SRRM2: variants seen among roughly 807,000 people sequenced by gnomAD.
SRRM2 encodes serine/arginine repetitive matrix 2.
In SRRM2, 30 loss-of-function variants were observed where a neutral mutation model predicts 213.8. The observed-to-expected ratio is 0.14, with a 90% CI of 0.10 to 0.19. The LOEUF (loss-of-function observed/expected upper bound fraction) is 0.19. Ranked by LOEUF, SRRM2 falls within the 10% of genes least tolerant of loss-of-function variation. The pLI, the probability that SRRM2 is intolerant of heterozygous loss-of-function variation, is 1.00. For synonymous variants in SRRM2, 2,025 were observed against 1,377.7 expected, an observed-to-expected ratio of 1.47 and a Z score of -10.40; for missense variants, 4,904 against 3,647.0, an observed-to-expected ratio of 1.34 and a Z score of -8.88.
intron 2 of SRRM2, 113 bp downstream of exon 2, chr16:2,756,719 G>A (rs904041210): frequency 6.3e-6 from 9 of 1,428,396 alleles, no homozygotes; most frequent in Non-Finnish European, 6.5e-6. Context: ...AAGAGTTGTG[G>A]TAGGGGAGGA....
rs1208109157 is a variant in SRRM2 at position 2,761,693 on chromosome 16, G to C, written c.1165G>C (p.Glu389Gln). Residue 389 changes from glutamate to glutamine, a missense_variant, in exon 11 of 15, where the codon GAG becomes CAG. Transcript: ENST00000301740. ...QPLATTPLSQ[E>Q]PVNPPSEASP... ...CCTTGCAACCACCCCCTTAAGCCAG[G>C]AGCCAGTGAACCCCCCATCTGAGGC... 7 of 1,604,750 alleles carry C rather than the reference G, an allele frequency of 4.4e-6. No individual in the cohort carries two copies. The Middle Eastern group carries it at 5.0e-4, about 115-fold the overall frequency.
At chr16:2,755,083 T>A (rs890362905) in intron 1 of SRRM2, among the ~76,000 whole-genome samples, 4 of 152,246 alleles carry the variant, frequency 2.6e-5, no homozygotes, top group Admixed American at 2.0e-4. Context: ...GGTTTTTTCT[T>A]AGTAGTATTT....
At chr16:2,754,730 C>T (rs1225167976) in intron 1 of SRRM2, among the ~76,000 whole-genome samples, 1 of 151,920 alleles carries the variant, frequency 6.6e-6, no homozygotes, top group African/African-American at 2.4e-5. Context: ...AGGGGAGAGG[C>T]GAAGAAGGAC....
At chr16:2,768,668 G>C in intron 11 of SRRM2, 1 of 651,750 alleles carries the variant, frequency 1.5e-6, no homozygotes, top group Non-Finnish European at 2.8e-6. Context: ...ACTCACAGGG[G>C]CCTCCCCAAG....
intron 3 of SRRM2, 22 bp downstream of exon 3, chr16:2,757,601 G>C (rs771103190): frequency 6.2e-7 from 1 of 1,607,112 alleles, no homozygotes; most frequent in South Asian, 1.1e-5. Context: ...GCTCTCCCTC[G>C]ATGACTCTGG....
chr16:2,760,523 T>G (rs761359441), intron 10 of SRRM2, 24 bp downstream of exon 10: 1 of 1,612,650 alleles, frequency 6.2e-7, no homozygotes, highest in East Asian at 2.2e-5. Flanking sequence ...TTGGTGATGT[T>G]CATTGGATTG....
intron 1 of SRRM2, 78 bp downstream of exon 1, chr16:2,752,924 C>G (rs944757667): frequency 1.2e-5 from 2 of 161,948 alleles, no homozygotes; most frequent in Non-Finnish European, 2.7e-5. Flanking sequence ...GCGCGGAGAA[C>G]TGCCCAGGCC....
intron 2 of SRRM2, 84 bp from the exon 3 acceptor site, chr16:2,757,388 C>A: frequency 2.4e-6 from 3 of 1,256,742 alleles, no homozygotes; most frequent in Non-Finnish European, 1.1e-6. Context: ...AGGGAGGGGC[C>A]CCTTTTGGGA....
In SRRM2 at chr16:2,762,830, A is replaced by G. The variant is rs774154431; in HGVS notation, c.2302A>G (p.Lys768Glu). The G allele has an allele frequency of 3.1e-6, 5 of 1,614,102 alleles. No individual in the cohort carries two copies. Among genetic ancestry groups the G allele is most frequent in the Non-Finnish European group, 4.2e-6 (5 of 1,180,042 alleles). Reference protein sequence around the residue: ...RSRSLSSPRSKAKSRLSLRRS... With the variant: ...RSRSLSSPRSEAKSRLSLRRS... ...CAGGTCTCTCTCTTCACCACGGTCC[A>G]AAGCAAAATCTCGCTTGTCTTTGAG... Residue 768 changes from lysine (K) to glutamate (E), a missense_variant, in exon 11 of 15, where the codon AAA becomes GAA. Coordinates refer to ENST00000301740, the MANE Select transcript of SRRM2 (RefSeq NM_016333.4).
chr16:2,758,398 C>T (rs565847203), intron 4 of SRRM2, 72 bp from the exon 5 acceptor site: 12 of 1,306,208 alleles, frequency 9.2e-6, no homozygotes, highest in Admixed American at 1.8e-5. Flanking sequence ...TTTTTTTAGA[C>T]TCTGTCTTTT....
Position 2,770,971 on chromosome 16 carries a change from A to G in SRRM2, c.*104A>G. On this transcript the variant is annotated 3_prime_UTR_variant, in exon 15 of 15. Transcript: ENST00000301740. ...GAGGGTCCTTGTCTGCTCTCCTTTG[A>G]ACCTTGGCAGCCCTTGGATGGAGGG... The G allele has an allele frequency of 6.8e-7, 1 of 1,469,186 alleles. No individual in the cohort carries two copies. 91.0% of individuals were successfully genotyped at this position (1,469,186 alleles called of 1,614,324 possible).
intron 1 of SRRM2, among the ~76,000 whole-genome samples, 190 bp downstream of exon 1, chr16:2,753,036 A>ACCCCCCCCCCCCCCC (rs5815132): frequency 1.7e-4 from 23 of 138,408 alleles, no homozygotes; most frequent in Non-Finnish European, 2.8e-4. Context: ...CGCGGGCTTC[A>ACCCCCCCCCCCCCCC]CCCCCCCCCG....
Position 2,766,719 on chromosome 16 carries a change from G to A in SRRM2, c.6191G>A (p.Gly2064Asp). Reference sequence around the variant, plus strand: ...TCCCGTACTCCACGAACAGCTCGGGGTAAACGGTCCTTAACAAGATCTCCT... The same window carrying A: ...TCCCGTACTCCACGAACAGCTCGGGATAAACGGTCCTTAACAAGATCTCCT... ...SRSRTPRTAR[G>D]KRSLTRSPPA... is the part of the protein sequence containing the mutation. Residue 2064 changes from glycine to aspartate, a missense_variant, in exon 11 of 15, where the codon GGT becomes GAT. Gly to Asp is a moderately conservative substitution (Grantham distance 94). Coordinates refer to ENST00000301740, the MANE Select transcript of SRRM2 (RefSeq NM_016333.4). This position sits in a 1 kb window ranked among gnomAD's most constrained non-coding sequence, Gnocchi z 7.0. 6.2e-7 allele frequency: 1 copy of A among 1,614,210 alleles called. No homozygotes were observed. The highest frequency in any genetic ancestry group is 8.5e-7 in the Non-Finnish European group (1 of 1,180,044).
At chr16:2,768,872 G>A in intron 11 of SRRM2, 125 bp from the exon 12 acceptor site, 3 of 1,540,596 alleles carry the variant, frequency 1.9e-6, no homozygotes, top group Non-Finnish European at 2.6e-6. Flanking sequence ...TGGCTCACGT[G>A]GCTCGGAGAG....
chr16:2,763,752 A>G lies in SRRM2; in HGVS notation c.3224A>G (p.Glu1075Gly), dbSNP rs374339740. 6.2e-7 allele frequency: 1 copy of G among 1,614,198 alleles called. No individual in the cohort carries two copies. ...PDHRSDTSSPEVRQSHSESPS... is the reference protein window; with the variant it reads ...PDHRSDTSSPGVRQSHSESPS... ...CACAGATCTGATACTTCAAGTCCAG[A>G]AGTGAGACAGAGTCATTCAGAATCA... The change falls in exon 11 of 15, where the codon GAA (glutamate) becomes GGA (glycine). Residue 1075 changes from glutamate (E) to glycine (G), a missense_variant. Glu to Gly is a moderately conservative substitution (Grantham distance 98). Transcript: ENST00000301740.
chr16:2,764,861 C>T lies in SRRM2; in HGVS notation c.4333C>T (p.Pro1445Ser). Residue 1445 changes from proline to serine, a missense_variant, in exon 11 of 15, where the codon CCA (proline) becomes TCA (serine). By Grantham distance (74) the Pro-to-Ser change is moderately conservative. Coordinates refer to ENST00000301740, the MANE Select transcript of SRRM2 (RefSeq NM_016333.4). ...AAGGAGAAGCAGGTCTGGGTCTTCT[C>T]CAGGACTTAGAGATGGGTCTGGGAC... ...PSRRSRSGSS[P>S]GLRDGSGTPS... 6.2e-7 allele frequency: 1 copy of T among 1,614,190 alleles called. No individual in the cohort carries two copies. Among genetic ancestry groups the T allele is most frequent in the Admixed American group, 1.7e-5 (1 of 60,026 alleles).
rs1019638025 is a variant in SRRM2 at position 2,771,115 on chromosome 16, G to A, written c.*248G>A. 12 of 608,288 alleles carry A rather than the reference G, an allele frequency of 2.0e-5. No homozygotes were observed. Among genetic ancestry groups the A allele is most frequent in the Admixed American group, 3.0e-5 (1 of 33,590 alleles). 37.7% of individuals were successfully genotyped at this position (608,288 alleles called of 1,614,324 possible). A position where few individuals can be genotyped will look rare whatever the true frequency, so the allele number is the denominator to read the frequency against. ...TGGGAGGGAATGCAGATGGGAGTTG[G>A]GGGAGGGGAGGATACAGTTCAGGAT... On this transcript the variant is annotated 3_prime_UTR_variant, in exon 15 of 15. Transcript: ENST00000301740.
At chr16:2,753,276 T>C (rs2068006888) in intron 1 of SRRM2, among the ~76,000 whole-genome samples, 1 of 152,226 alleles carries the variant, frequency 6.6e-6, no homozygotes, top group Non-Finnish European at 1.5e-5. Flanking sequence ...TTCCTCGGGC[T>C]TCTCTTCGGC....
Position 2,767,008 on chromosome 16 carries a change from A to G in SRRM2, c.6480A>G (p.Pro2160=), listed in dbSNP as rs146267922. The G allele has an allele frequency of 1.9e-6, 3 of 1,614,110 alleles. No homozygotes were observed. Among genetic ancestry groups the G allele is most frequent in the African/African-American group, 2.7e-5 (2 of 75,026 alleles). ...CCGGCGGCTCCATGATGGATGGTCC[A>G]GGTCCCCGAATACCTGACCACCAGA... ...QQAGGSMMDG[P]GPRIPDHQRT... Residue 2160 remains proline (P), a synonymous_variant, in exon 11 of 15, where the codon CCA becomes CCG. Transcript: ENST00000301740.
Sources: allele counts gnomAD v4.1 joint callset (sites outside exome capture counted in the v4.1 genomes callset), GRCh38; gene constraint gnomAD v4.1.1; non-coding constraint Gnocchi (gnomAD v3.1); transcripts MANE v1.5; gene names NCBI Gene and HGNC (gene_info 2026-07-23, HGNC 2026-07-21).